AQP11: variants seen among roughly 807,000 people sequenced by gnomAD.
AQP11 encodes the protein aquaporin 11, also known as aquaporin-11.
In AQP11, 20 loss-of-function variants were observed where a neutral mutation model predicts 21.1. The ratio of observed to expected loss-of-function variants is 0.95; its 90% CI spans 0.67 to 1.38. AQP11 has a LOEUF of 1.38. Ranked by LOEUF, AQP11 falls within the 40% of genes most tolerant of loss-of-function variation. The probability of loss-of-function intolerance (pLI) is 0.00; values close to 1 mark genes in which losing one functional copy is unlikely to be tolerated. For synonymous variants in AQP11, 167 were observed against 150.1 expected, an observed-to-expected ratio of 1.11 and a Z score of -0.82; for missense variants, 339 against 340.4, an observed-to-expected ratio of 1.00 and a Z score of 0.03.
At position 77,603,552 on chromosome 11, in the gene AQP11, A is replaced by C; in HGVS notation, c.620-4A>C. ...GAAATCACTCTGCTTAAAATCTGTT[A>C]CAGGAGGAAGTCTAACAGGAGCTGT... On this transcript the variant is annotated splice_polypyrimidine_tract_variant and splice_region_variant and intron_variant, in intron 1 of 2. Coordinates refer to ENST00000313578, the MANE Select transcript of AQP11 (RefSeq NM_173039.3). The C allele has an allele frequency of 6.4e-7, 1 of 1,568,140 alleles. No individual in the cohort carries two copies. Among genetic ancestry groups the C allele is most frequent in the Non-Finnish European group, 8.6e-7 (1 of 1,157,616 alleles).
chr11:77,609,407 G>C lies in AQP11; in HGVS notation c.*30G>C. ...TCCAAAGACTCAGACTAACATACAG[G>C]ACAGTCCAGCTGGATGTGATAAAGA... On this transcript the variant is annotated 3_prime_UTR_variant, in exon 3 of 3. Transcript: ENST00000313578. The C allele has an allele frequency of 6.5e-7, 1 of 1,548,222 alleles. No homozygotes were observed. The highest frequency in any genetic ancestry group is 8.9e-7 in the Non-Finnish European group (1 of 1,127,840).
chr11:77,595,345 AAAAGAAAAAAAG>A (rs1958772098), intron 1 of AQP11, among the ~76,000 whole-genome samples: 3 of 152,166 alleles, frequency 2.0e-5, no homozygotes, highest in African/African-American at 7.2e-5. Context: ...CCATCTCAAA[AAAAGAAAAAAAG>A]AAAGAAAAAC....
At chr11:77,598,004 G>A (rs1181044846) in intron 1 of AQP11, among the ~76,000 whole-genome samples, 1 of 152,160 alleles carries the variant, frequency 6.6e-6, no homozygotes, top group Non-Finnish European at 1.5e-5. Flanking sequence ...CTCCCAAAGT[G>A]CTGGGATTAC....
Position 77,596,362 on chromosome 11 carries a change from A to G in AQP11, c.619+5751A>G, listed in dbSNP as rs948387197. ...AGGCTGAGGCAGTAGAATTGCTTGA[A>G]CCTGGGAGGCGGAGGTTGCAGCGAG... On this transcript the variant is annotated intron_variant, in intron 1 of 2. Coordinates refer to ENST00000313578, the MANE Select transcript of AQP11 (RefSeq NM_173039.3). 2.7e-5 allele frequency among the ~76,000 whole-genome samples: 4 copies of G among 149,288 alleles called. No homozygotes were observed. In the Admixed American group the frequency reaches 2.7e-4, roughly 10 times the overall value.
intron 2 of AQP11, among the ~76,000 whole-genome samples, chr11:77,603,940 C>CA: frequency 6.7e-6 from 1 of 149,376 alleles, no homozygotes; most frequent in East Asian, 2.0e-4. Context: ...CAAAAATAAT[C>CA]TTTTTTTTTT....
intron 2 of AQP11, among the ~76,000 whole-genome samples, chr11:77,604,998 C>T (rs1172725162): frequency 6.6e-6 from 1 of 152,080 alleles, no homozygotes; most frequent in Non-Finnish European, 1.5e-5. Context: ...TTGAGACCAT[C>T]CTGGCTAACA....
At chr11:77,595,503 C>T (rs1455124832) in intron 1 of AQP11, among the ~76,000 whole-genome samples, 1 of 152,212 alleles carries the variant, frequency 6.6e-6, no homozygotes, top group African/African-American at 2.4e-5. Context: ...CTGTAGACCA[C>T]ATTTGTTTTA....
chr11:77,592,235 C>A (rs908390304), intron 1 of AQP11, among the ~76,000 whole-genome samples: 1 of 151,768 alleles, frequency 6.6e-6, no homozygotes, highest in Non-Finnish European at 1.5e-5. Context: ...CCACTGCACT[C>A]CAGCCTGGGT....
At chr11:77,599,798 C>T (rs1958804883) in intron 1 of AQP11, among the ~76,000 whole-genome samples, 1 of 151,764 alleles carries the variant, frequency 6.6e-6, no homozygotes, top group Non-Finnish European at 1.5e-5. Context: ...GTTGCCCAGG[C>T]TAGTCTTGAA....
At chr11:77,594,578 T>A (rs570962629) in intron 1 of AQP11, among the ~76,000 whole-genome samples, 1 of 152,358 alleles carries the variant, frequency 6.6e-6, no homozygotes, top group African/African-American at 2.4e-5. Flanking sequence ...CAAGTTATTA[T>A]GATATGTCTT....
At chr11:77,594,089 T>C (rs973348862) in intron 1 of AQP11, among the ~76,000 whole-genome samples, 1 of 152,158 alleles carries the variant, frequency 6.6e-6, no homozygotes, top group Non-Finnish European at 1.5e-5. Flanking sequence ...TATTGTTTAA[T>C]GGGTACAAAG....
At chr11:77,603,735 T>A (rs1958828985) in intron 2 of AQP11, 63 bp downstream of exon 2, 1 of 1,204,784 alleles carries the variant, frequency 8.3e-7, no homozygotes, top group Admixed American at 2.6e-5. Context: ...GATATGTGTA[T>A]ATCATTGTAA....
chr11:77,600,591 T>C (rs1267505549), intron 1 of AQP11, among the ~76,000 whole-genome samples: 2 of 152,210 alleles, frequency 1.3e-5, no homozygotes, highest in African/African-American at 4.8e-5. Context: ...TATCTACCTA[T>C]GTTAGTAAAG....
chr11:77,591,796 C>A (rs1958749656), intron 1 of AQP11, among the ~76,000 whole-genome samples: 1 of 152,164 alleles, frequency 6.6e-6, no homozygotes, highest in African/African-American at 2.4e-5. Flanking sequence ...ATTGCTGGAA[C>A]CCGGGAGGCG....
chr11:77,603,241 A>G (rs1958825353), intron 1 of AQP11, among the ~76,000 whole-genome samples: 1 of 152,172 alleles, frequency 6.6e-6, no homozygotes, highest in Admixed American at 6.5e-5. Flanking sequence ...TAAATTGACA[A>G]ATGTTCAGGG....
Position 77,590,218 on chromosome 11 carries a change from A to C in AQP11, c.226A>C (p.Thr76Pro), listed in dbSNP as rs1958736958. ...LLSEQHPAHP[T>P]WTLTLVYFFS... The stretch of plus-strand genomic sequence containing the variant: ...GAGCGAACAGCACCCCGCGCACCCC[A>C]CCTGGACGCTGACGCTCGTCTACTT... The change falls in exon 1 of 3, where the codon ACC becomes CCC. Residue 76 changes from threonine (T) to proline (P), a missense_variant. Transcript: ENST00000313578. 1 of 1,593,176 alleles carries C rather than the reference A, an allele frequency of 6.3e-7. No individual in the cohort carries two copies.
chr11:77,601,412 A>C (rs1432003685), intron 1 of AQP11, among the ~76,000 whole-genome samples: 1 of 148,980 alleles, frequency 6.7e-6, no homozygotes, highest in Non-Finnish European at 1.5e-5. Context: ...GCGGTGGCAC[A>C]ATCTCGACTC....
chr11:77,604,591 T>C (rs1958833382), intron 2 of AQP11, among the ~76,000 whole-genome samples: 1 of 152,182 alleles, frequency 6.6e-6, no homozygotes, highest in South Asian at 2.1e-4. Flanking sequence ...TGTTCCTTGT[T>C]AGTCATTTTC....
At chr11:77,607,767 A>T (rs1958855173) in intron 2 of AQP11, among the ~76,000 whole-genome samples, 1 of 151,182 alleles carries the variant, frequency 6.6e-6, no homozygotes, top group Non-Finnish European at 1.5e-5. Flanking sequence ...CTGTCTCAAA[A>T]AAAAAAAAAA....
Sources: gnomAD v4.1 joint callset for allele counts (sites outside exome capture counted in the v4.1 genomes callset) on GRCh38, gnomAD v4.1.1 for gene constraint, MANE v1.5 for transcripts, NCBI Gene and HGNC (gene_info 2026-07-23, HGNC 2026-07-21) for gene names.